GABRB1: variants seen among roughly 807,000 people sequenced by gnomAD.
GABRB1 encodes gamma-aminobutyric acid type A receptor subunit beta1.
In GABRB1, 17 loss-of-function variants were observed where a neutral mutation model predicts 51.6. That is an observed-to-expected ratio of 0.33 (90% CI 0.23 to 0.49). The LOEUF (loss-of-function observed/expected upper bound fraction) is 0.49, where lower values mean the gene tolerates loss of function less well. Ranked by LOEUF, GABRB1 falls within the 20% of genes least tolerant of loss-of-function variation. The pLI is 0.99. For missense variants in GABRB1, 410 were observed against 600.6 expected, an observed-to-expected ratio of 0.68 and a Z score of 3.32; for synonymous variants, 247 against 218.9, an observed-to-expected ratio of 1.13 and a Z score of -1.14.
chr4:47,352,861 T>A (rs142222503), intron 5 of GABRB1, among the ~76,000 whole-genome samples: 96 of 152,356 alleles, frequency 6.3e-4, no homozygotes, highest in African/African-American at 2.2e-3. Flanking sequence ...TTTCCCAGCA[T>A]GTTTCTAGAT....
chr4:47,066,845 G>A (rs1727109497), intron 3 of GABRB1, among the ~76,000 whole-genome samples: 1 of 152,054 alleles, frequency 6.6e-6, no homozygotes, highest in Non-Finnish European at 1.5e-5. Flanking sequence ...AATCACAAAT[G>A]TTCTTAATGA....
chr4:47,187,666 C>G (rs1198621641), intron 4 of GABRB1, among the ~76,000 whole-genome samples: 1 of 151,942 alleles, frequency 6.6e-6, no homozygotes, highest in Non-Finnish European at 1.5e-5. Flanking sequence ...CGTGTCACTC[C>G]TCTTCTAAAA....
chr4:47,239,664 G>A (rs1446332364), intron 4 of GABRB1, among the ~76,000 whole-genome samples: 1 of 152,168 alleles, frequency 6.6e-6, no homozygotes, highest in Non-Finnish European at 1.5e-5. Flanking sequence ...TGGCTTTTAA[G>A]TATTTAGATT....
intron 3 of GABRB1, among the ~76,000 whole-genome samples, chr4:47,050,932 T>G (rs935936433): frequency 6.6e-6 from 1 of 152,084 alleles, no homozygotes; most frequent in African/African-American, 2.4e-5. Flanking sequence ...AGCAGCATGA[T>G]GGGAAATGAA....
At chr4:47,175,427 T>C (rs1718653565) in intron 4 of GABRB1, among the ~76,000 whole-genome samples, 1 of 152,162 alleles carries the variant, frequency 6.6e-6, no homozygotes, top group African/African-American at 2.4e-5. Flanking sequence ...AGTTAGCACA[T>C]ATTAAGCAAA....
chr4:47,170,764 T>G (rs1265089859), intron 4 of GABRB1, among the ~76,000 whole-genome samples: 1 of 152,180 alleles, frequency 6.6e-6, no homozygotes, highest in Non-Finnish European at 1.5e-5. Context: ...CAGCAGACCG[T>G]ACATAAAGAA....
At chr4:47,260,836 A>G (rs1436793117) in intron 4 of GABRB1, among the ~76,000 whole-genome samples, 5 of 152,188 alleles carry the variant, frequency 3.3e-5, no homozygotes, top group Non-Finnish European at 7.4e-5. Context: ...CAGCACATCA[A>G]AAAGCTTATC....
intron 5 of GABRB1, among the ~76,000 whole-genome samples, chr4:47,372,238 G>A (rs572080772): frequency 1.1e-4 from 16 of 152,274 alleles, no homozygotes; most frequent in African/African-American, 3.1e-4. Context: ...TCGAAGATCC[G>A]ATAGTTGTAG....
At chr4:47,210,348 A>G (rs532607767) in intron 4 of GABRB1, among the ~76,000 whole-genome samples, 1 of 152,298 alleles carries the variant, frequency 6.6e-6, no homozygotes, top group South Asian at 2.1e-4. Context: ...ATATGAATGA[A>G]CTGTAGCTGA....
chr4:47,252,408 G>C (rs1722029393), intron 4 of GABRB1, among the ~76,000 whole-genome samples: 1 of 151,990 alleles, frequency 6.6e-6, no homozygotes, highest in African/African-American at 2.4e-5. Flanking sequence ...GCTTCCTTCA[G>C]AGGGTCTGTG....
intron 1 of GABRB1, among the ~76,000 whole-genome samples, chr4:47,021,540 G>A (rs1160793197): frequency 6.6e-6 from 1 of 152,040 alleles, no homozygotes; most frequent in Non-Finnish European, 1.5e-5. Context: ...TCCTCTGCAG[G>A]TATGTTTATC....
chr4:47,024,674 G>A (rs1259968823), intron 1 of GABRB1, among the ~76,000 whole-genome samples: 3 of 151,290 alleles, frequency 2.0e-5, no homozygotes, highest in African/African-American at 4.9e-5. Flanking sequence ...CCCATCACCC[G>A]AGCAGTATAC....
At position 47,377,206 on chromosome 4, in the gene GABRB1, C is replaced by T. The variant is rs183164453; in HGVS notation, c.545-26112C>T. 1.8e-3 allele frequency among the ~76,000 whole-genome samples: 272 copies of T among 152,220 alleles called. 2 individuals are homozygous for T. The highest frequency in any genetic ancestry group is 3.4e-3 in the Non-Finnish European group (231 of 68,026). ...TTGCCCAGGCTGGAGTGCAGTGGCA[C>T]AATATCCGCTCACTGCAACCTCCAC... On this transcript the variant is annotated intron_variant, in intron 5 of 8. Transcript: ENST00000295454.
intron 4 of GABRB1, among the ~76,000 whole-genome samples, chr4:47,299,217 G>A (rs918887159): frequency 9.2e-5 from 14 of 152,206 alleles, no homozygotes; most frequent in East Asian, 7.7e-4. Context: ...AGCAATGGCA[G>A]CAAAAGACAA....
chr4:47,408,471 G>A (rs959379818), intron 8 of GABRB1, among the ~76,000 whole-genome samples: 1 of 152,146 alleles, frequency 6.6e-6, no homozygotes, highest in African/African-American at 2.4e-5. Flanking sequence ...TGAAAAATTA[G>A]CAAAGAAAAC....
intron 5 of GABRB1, among the ~76,000 whole-genome samples, chr4:47,393,930 A>G (rs1318447393): frequency 6.6e-6 from 1 of 152,238 alleles, no homozygotes; most frequent in Non-Finnish European, 1.5e-5. Flanking sequence ...TATATTTTCC[A>G]TTGATTTGCT....
At chr4:46,998,152 T>C (rs187995650) in intron 1 of GABRB1, among the ~76,000 whole-genome samples, 30 of 152,332 alleles carry the variant, frequency 2.0e-4, no homozygotes, top group Admixed American at 1.6e-3. Flanking sequence ...TGCCATATAG[T>C]TAATGCAGAT....
chr4:47,192,178 C>A (rs748209156), intron 4 of GABRB1, among the ~76,000 whole-genome samples: 4 of 151,958 alleles, frequency 2.6e-5, no homozygotes, highest in Non-Finnish European at 4.4e-5. Context: ...AAGAGAGATA[C>A]TAGATCCCTA....
intron 3 of GABRB1, among the ~76,000 whole-genome samples, chr4:47,046,089 T>G (rs1726071863): frequency 6.6e-6 from 1 of 152,046 alleles, no homozygotes. Context: ...CATCTGGCAT[T>G]TCCCCTGCTT....
Sources: allele counts gnomAD v4.1 joint callset (sites outside exome capture counted in the v4.1 genomes callset), GRCh38; gene constraint gnomAD v4.1.1; transcripts MANE v1.5; gene names NCBI Gene and HGNC (gene_info 2026-07-23, HGNC 2026-07-21).